Variants in DNAJB14 observed in about 807,000 individuals in gnomAD.
DNAJB14 encodes DnaJ heat shock protein family (Hsp40) member B14.
Under a neutral mutation model 48.4 loss-of-function variants are expected in DNAJB14, and 22 were observed. That is an observed-to-expected ratio of 0.45 (90% CI 0.32 to 0.65). The LOEUF (loss-of-function observed/expected upper bound fraction) is 0.65, where lower values mean the gene tolerates loss of function less well. DNAJB14 is among the 30% of genes least tolerant of loss of function. DNAJB14 has a pLI of 0.03. For synonymous variants in DNAJB14, 142 were observed against 158.7 expected (o/e 0.89, Z 0.79); for missense variants, 319 against 458.8 (o/e 0.70, Z 2.78).
At position 99,897,329 on chromosome 4, in the gene DNAJB14, A is replaced by C. The variant is rs1725170035; in HGVS notation, c.*3699T>G. The C allele has an allele frequency of 6.6e-6, 1 of 151,796 alleles. No homozygotes were observed. The highest frequency in any genetic ancestry group is 2.4e-5 in the African/African-American group (1 of 41,398). The allele number at this position is 151,796 out of a possible 1,614,324, so 9.4% of individuals were successfully genotyped here. ...TCACATACCAACAGGAAAAAGTTACACATAGGGAATATACAAAAAATATGG... is the reference window on the plus strand; with the variant it reads ...TCACATACCAACAGGAAAAAGTTACCCATAGGGAATATACAAAAAATATGG... On this transcript the variant is annotated 3_prime_UTR_variant, in exon 8 of 8. Coordinates refer to ENST00000442697, the MANE Select transcript of DNAJB14 (RefSeq NM_001031723.4).
intron 4 of DNAJB14, among the ~76,000 whole-genome samples, chr4:99,907,707 C>T (rs1725517596): frequency 6.6e-6 from 1 of 152,026 alleles, no homozygotes; most frequent in African/African-American, 2.4e-5. Context: ...ATGACCACAA[C>T]CTTTCTCAAT....
intron 7 of DNAJB14, among the ~76,000 whole-genome samples, chr4:99,901,725 G>A (rs1427422268): frequency 6.6e-6 from 1 of 152,136 alleles, no homozygotes; most frequent in Non-Finnish European, 1.5e-5. Flanking sequence ...GTGTGGGACA[G>A]CACAGCTACT....
At chr4:99,942,752 T>C (rs1017154314) in intron 1 of DNAJB14, among the ~76,000 whole-genome samples, 1 of 152,108 alleles carries the variant, frequency 6.6e-6, no homozygotes, top group Non-Finnish European at 1.5e-5. Context: ...AAATAAAATT[T>C]TAAGAGGACA....
At chr4:99,930,055 T>C (rs142663574) in intron 2 of DNAJB14, 256 of 153,744 alleles carry the variant, frequency 1.7e-3, no homozygotes, top group Non-Finnish European at 2.4e-3. Flanking sequence ...CCTTCACTAA[T>C]ATAAGTAGGA....
chr4:99,946,278 C>T (rs946545887), intron 1 of DNAJB14, among the ~76,000 whole-genome samples, 161 bp downstream of exon 1: 1 of 152,092 alleles, frequency 6.6e-6, no homozygotes. Flanking sequence ...GGGGCCAGGG[C>T]GGGGGTGTGT....
intron 1 of DNAJB14, among the ~76,000 whole-genome samples, chr4:99,933,575 G>A (rs1451759605): frequency 6.6e-6 from 1 of 152,256 alleles, no homozygotes; most frequent in East Asian, 1.9e-4. Context: ...TGGGATTACA[G>A]GCGTGAGCCA....
chr4:99,911,301 A>G (rs1725651362), intron 3 of DNAJB14, among the ~76,000 whole-genome samples: 1 of 152,188 alleles, frequency 6.6e-6, no homozygotes, highest in Admixed American at 6.5e-5. Context: ...ACCACTGAAT[A>G]ACATCTAGTT....
intron 3 of DNAJB14, among the ~76,000 whole-genome samples, chr4:99,917,546 G>C (rs1387998296): frequency 6.6e-6 from 1 of 152,178 alleles, no homozygotes; most frequent in African/African-American, 2.4e-5. Flanking sequence ...GAACTTTGGG[G>C]CACCACAAAT....
In DNAJB14 at chr4:99,923,968, AT is replaced by A. The variant is rs1157122471; in HGVS notation, c.306-784del. 3 of 644,650 alleles carry A rather than the reference AT, an allele frequency of 4.7e-6. No homozygotes were observed. The African/African-American group carries it at 5.9e-5, about 13-fold the overall frequency. The allele number at this position is 644,650 out of a possible 1,614,324, so 39.9% of individuals were successfully genotyped here. On this transcript the variant is annotated intron_variant, in intron 2 of 7. Coordinates refer to ENST00000442697, the MANE Select transcript of DNAJB14 (RefSeq NM_001031723.4). ...CATTGTGATAAGCACATTTCTAAAG[AT>A]TATATACATACAGTTTGTACCTTAA...
chr4:99,905,147 A>G (rs17029641), intron 6 of DNAJB14, among the ~76,000 whole-genome samples: 9,821 of 152,108 alleles, frequency 0.065, 463 homozygotes, highest in East Asian at 0.24. Context: ...TCTTACACAT[A>G]AAGTATATGG....
rs988061940 is a variant in DNAJB14, at chr4:99,926,740, C to CA, written c.306-3556dup. On this transcript the variant is annotated intron_variant, in intron 2 of 7. Coordinates refer to ENST00000442697, the MANE Select transcript of DNAJB14 (RefSeq NM_001031723.4). The stretch of plus-strand genomic sequence containing the variant: ...AAAGCTAAGAATTGCCACAGACAAA[C>CA]AAAAAAAAAAGGGGGGGCCAGACAT... The CA allele has an allele frequency of 7.0e-4, 100 of 142,438 alleles. 5 individuals are homozygous for CA. The highest frequency in any genetic ancestry group is 2.3e-4 in the African/African-American group (9 of 38,918). 8.8% of individuals were successfully genotyped at this position (142,438 alleles called of 1,614,324 possible).
intron 2 of DNAJB14, chr4:99,928,452 C>T (rs1331929306): frequency 6.8e-6 from 2 of 293,252 alleles, no homozygotes; most frequent in South Asian, 3.0e-5. Context: ...TTGCCTACAG[C>T]CAGTTCCTCT....
At chr4:99,946,350 GC>G (rs1232441369) in intron 1 of DNAJB14, 88 bp downstream of exon 1, 2 of 1,532,598 alleles carry the variant, frequency 1.3e-6, no homozygotes, top group East Asian at 4.9e-5. Context: ...GGCCCCGCAG[GC>G]CTCCAGGAGG....
intron 3 of DNAJB14, among the ~76,000 whole-genome samples, chr4:99,915,364 C>T (rs1168801731): frequency 6.6e-6 from 1 of 152,154 alleles, no homozygotes; most frequent in Admixed American, 6.5e-5. Flanking sequence ...GTCTCAAATT[C>T]CTGACCTTGC....
intron 1 of DNAJB14, 39 bp downstream of exon 1, chr4:99,946,400 G>A: frequency 1.9e-6 from 3 of 1,582,368 alleles, no homozygotes; most frequent in Non-Finnish European, 2.6e-6. Context: ...GCGGTGGTCT[G>A]GGGATTGGGC....
chr4:99,917,243 C>T (rs536392817), intron 3 of DNAJB14, among the ~76,000 whole-genome samples: 5 of 152,314 alleles, frequency 3.3e-5, no homozygotes, highest in South Asian at 2.1e-4. Context: ...TTTAGAAACT[C>T]GAGAAGCAAA....
chr4:99,903,583 TA>T, intron 7 of DNAJB14, 142 bp downstream of exon 7: 1 of 827,126 alleles, frequency 1.2e-6, no homozygotes, highest in Non-Finnish European at 1.8e-6. Context: ...CACATGTATA[TA>T]AAACACATGA....
chr4:99,923,265 A>C, intron 2 of DNAJB14, 80 bp from the exon 3 acceptor site: 1 of 1,271,210 alleles, frequency 7.9e-7, no homozygotes, highest in Non-Finnish European at 1.1e-6. Flanking sequence ...ATTTATTAGA[A>C]TACTATAAAG....
chr4:99,939,947 A>G (rs1208135380), intron 1 of DNAJB14, among the ~76,000 whole-genome samples: 2 of 152,246 alleles, frequency 1.3e-5, no homozygotes, highest in African/African-American at 4.8e-5. Context: ...ACCAGAGAAC[A>G]TTCACTTTTA....
Sources: allele counts gnomAD v4.1 joint callset (sites outside exome capture counted in the v4.1 genomes callset), GRCh38; gene constraint gnomAD v4.1.1; transcripts MANE v1.5; gene names NCBI Gene and HGNC (gene_info 2026-07-23, HGNC 2026-07-21).